Variants in ETFA observed in about 807,000 individuals in gnomAD.
ETFA encodes electron transfer flavoprotein subunit alpha, mitochondrial.
In ETFA, 22 loss-of-function variants were observed where a neutral mutation model predicts 46.2. The observed-to-expected ratio is 0.48, with a 90% CI of 0.34 to 0.68. The LOEUF (loss-of-function observed/expected upper bound fraction) is 0.68. Among genes scored for constraint, ETFA ranks in the 30% least tolerant of loss-of-function variants. The probability of loss-of-function intolerance (pLI) is 0.01; values close to 1 mark genes in which losing one functional copy is unlikely to be tolerated. For synonymous variants in ETFA, 131 were observed against 139.9 expected, an observed-to-expected ratio of 0.94 and a Z score of 0.45; for missense variants, 345 against 401.1, an observed-to-expected ratio of 0.86 and a Z score of 1.19.
At position 76,295,667 on chromosome 15, in the gene ETFA, G is replaced by C; in HGVS notation, c.110C>G (p.Thr37Ser). 6.2e-7 allele frequency: 1 copy of C among 1,613,142 alleles called. No homozygotes were observed. The highest frequency in any genetic ancestry group is 8.5e-7 in the Non-Finnish European group (1 of 1,179,482). The change falls in exon 2 of 12, where the codon ACT (threonine) becomes AGT (serine). Residue 37 changes from threonine to serine, a missense_variant. Thr to Ser is a moderately conservative substitution (Grantham distance 58, BLOSUM62 1). Transcript: ENST00000557943. ...TGTGGCTGCAGTAATGGTATTTAAA[G>C]TAATGGGTGCTAGGGAATCATTTGC... Reference protein sequence around the residue: ...EHANDSLAPITLNTITAATRL... With the variant: ...EHANDSLAPISLNTITAATRL...
intron 10 of ETFA, among the ~76,000 whole-genome samples, chr15:76,227,515 C>CAAAAAAAAAAAAAAAAAAAAAAAAAA (rs55873344): frequency 1.2e-5 from 1 of 80,332 alleles, no homozygotes; most frequent in African/African-American, 6.2e-5. Context: ...GACTCTGTCT[C>CAAAAAAAAAAAAAAAAAAAAAAAAAA]AAAAAAAAAA....
At chr15:76,256,666 T>C (rs956677873) in intron 9 of ETFA, among the ~76,000 whole-genome samples, 1 of 152,190 alleles carries the variant, frequency 6.6e-6, no homozygotes, top group East Asian at 1.9e-4. Flanking sequence ...TCTAACAAGA[T>C]GAACAAGATG....
chr15:76,295,688 T>C lies in ETFA; in HGVS notation c.89A>G (p.Asn30Ser), dbSNP rs377156231. 6.2e-7 allele frequency: 1 copy of C among 1,613,500 alleles called. No individual in the cohort carries two copies. The highest frequency in any genetic ancestry group is 8.5e-7 in the Non-Finnish European group (1 of 1,179,786). ...QSTLVIAEHA[N>S]DSLAPITLNT... The stretch of plus-strand genomic sequence containing the variant: ...TAAAGTAATGGGTGCTAGGGAATCA[T>C]TTGCATGCTCAGCTATTACCAGGGT... The change falls in exon 2 of 12, where the codon AAT (asparagine) becomes AGT (serine). Residue 30 changes from asparagine to serine, a missense_variant. By Grantham distance (46) the Asn-to-Ser change is conservative. Coordinates refer to ENST00000557943, the MANE Select transcript of ETFA (RefSeq NM_000126.4).
At chr15:76,222,677 T>TC (rs1321511141) in intron 11 of ETFA, among the ~76,000 whole-genome samples, 4 of 151,856 alleles carry the variant, frequency 2.6e-5, no homozygotes, top group African/African-American at 9.7e-5. Flanking sequence ...GGACCCTGGC[T>TC]TAGTTGTGCC....
intron 9 of ETFA, among the ~76,000 whole-genome samples, chr15:76,234,460 C>G (rs1194852896): frequency 6.6e-6 from 1 of 152,098 alleles, no homozygotes; most frequent in African/African-American, 2.4e-5. Flanking sequence ...CAAGACAATC[C>G]CTTCCCTGAG....
intron 4 of ETFA, among the ~76,000 whole-genome samples, chr15:76,289,762 G>T (rs1845069247): frequency 6.6e-6 from 1 of 152,176 alleles, no homozygotes; most frequent in Non-Finnish European, 1.5e-5. Flanking sequence ...AAATTGTTTG[G>T]CTTCTTCTGA....
chr15:76,218,761 T>G (rs374948366), intron 11 of ETFA, among the ~76,000 whole-genome samples: 3 of 152,232 alleles, frequency 2.0e-5, no homozygotes, highest in African/African-American at 2.4e-5. Flanking sequence ...TAAGTTTTTT[T>G]AAAAAAAGAC....
chr15:76,311,233 C>T lies in ETFA; in HGVS notation c.39+117G>A, dbSNP rs1255971374. 8.8e-6 allele frequency: 11 copies of T among 1,249,670 alleles called. No homozygotes were observed. In the African/African-American group the frequency reaches 1.3e-4, roughly 15 times the overall value. The allele number at this position is 1,249,670 out of a possible 1,614,324, so 77.4% of individuals were successfully genotyped here. The stretch of plus-strand genomic sequence containing the variant: ...GACCCAAGTCCCAGGCGGGGACCGG[C>T]CTGCGGGCGCGAGGGCTGGTCGAAT... On this transcript the variant is annotated intron_variant, in intron 1 of 11. Coordinates refer to ENST00000557943, the MANE Select transcript of ETFA (RefSeq NM_000126.4).
chr15:76,287,646 T>C (rs2141533217), intron 5 of ETFA, 200 bp downstream of exon 5: 1 of 517,258 alleles, frequency 1.9e-6, no homozygotes, highest in Admixed American at 3.2e-5. Context: ...AGGCAGGAAA[T>C]CTCTGTGTTT....
At chr15:76,236,270 T>A (rs1299871871) in intron 9 of ETFA, among the ~76,000 whole-genome samples, 1 of 152,264 alleles carries the variant, frequency 6.6e-6, no homozygotes, top group Non-Finnish European at 1.5e-5. Context: ...GATACATCTA[T>A]ACTTATATAT....
chr15:76,238,369 G>A (rs1438912543), intron 9 of ETFA, among the ~76,000 whole-genome samples: 1 of 152,080 alleles, frequency 6.6e-6, no homozygotes, highest in East Asian at 1.9e-4. Context: ...TAGAGGTAGG[G>A]AAGGAACATG....
chr15:76,270,521 T>C (rs1282176604), intron 9 of ETFA, among the ~76,000 whole-genome samples: 2 of 152,344 alleles, frequency 1.3e-5, no homozygotes, highest in East Asian at 3.9e-4. Flanking sequence ...TCTAGCTTTT[T>C]TCACTGAGAT....
At chr15:76,306,263 G>GTTTTTTT (rs1323378420) in intron 1 of ETFA, among the ~76,000 whole-genome samples, 4 of 82,966 alleles carry the variant, frequency 4.8e-5, no homozygotes, top group Non-Finnish European at 6.9e-5. Flanking sequence ...GGGTTTTTTT[G>GTTTTTTT]CTTCTTTTTT....
At chr15:76,261,941 G>A (rs992257879) in intron 9 of ETFA, among the ~76,000 whole-genome samples, 12 of 152,176 alleles carry the variant, frequency 7.9e-5, no homozygotes, top group African/African-American at 2.9e-4. Context: ...TTGAGCCTAG[G>A]AGACCAGTCC....
At chr15:76,300,099 A>T (rs928887710) in intron 1 of ETFA, among the ~76,000 whole-genome samples, 1 of 152,220 alleles carries the variant, frequency 6.6e-6, no homozygotes, top group Non-Finnish European at 1.5e-5. Context: ...AGCAATGTTT[A>T]AAGTTACTGA....
chr15:76,302,895 G>A (rs1243583443), intron 1 of ETFA, among the ~76,000 whole-genome samples: 1 of 152,104 alleles, frequency 6.6e-6, no homozygotes, highest in Non-Finnish European at 1.5e-5. Context: ...TGCCCAGGCT[G>A]GCGTCCAATT....
At chr15:76,236,936 G>T (rs140991574) in intron 9 of ETFA, among the ~76,000 whole-genome samples, 1 of 152,224 alleles carries the variant, frequency 6.6e-6, no homozygotes, top group East Asian at 1.9e-4. Context: ...GATTTTAAAA[G>T]TATCTGAAAT....
intron 11 of ETFA, among the ~76,000 whole-genome samples, chr15:76,223,052 C>T (rs2038972885): frequency 6.6e-6 from 1 of 152,040 alleles, no homozygotes; most frequent in Non-Finnish European, 1.5e-5. Context: ...TCAGGCTGGT[C>T]TCCTACTCCT....
intron 9 of ETFA, among the ~76,000 whole-genome samples, chr15:76,248,342 G>GA (rs1447785637): frequency 2.6e-5 from 4 of 152,124 alleles, no homozygotes; most frequent in Admixed American, 2.6e-4. Context: ...TACATGGGGG[G>GA]AAAATGGAAT....
Sources: gnomAD v4.1 joint callset for allele counts (sites outside exome capture counted in the v4.1 genomes callset) on GRCh38, gnomAD v4.1.1 for gene constraint, MANE v1.5 for transcripts, NCBI Gene and HGNC (gene_info 2026-07-23, HGNC 2026-07-21) for gene names.